Variants in PXMP4 observed in about 807,000 individuals in gnomAD.
PXMP4 encodes the protein peroxisomal membrane protein 4, also known as 24 kDa peroxisomal intrinsic membrane protein.
A neutral mutation model predicts 21.6 loss-of-function variants in PXMP4; 16 were observed. That is an observed-to-expected ratio of 0.74 (90% CI 0.50 to 1.13). PXMP4 has a LOEUF of 1.13. Ranked by LOEUF, PXMP4 falls within the 50% of genes most tolerant of loss-of-function variation. PXMP4 has a pLI of 0.00. For missense variants in PXMP4, 240 were observed against 277.7 expected, an observed-to-expected ratio of 0.86 and a Z score of 0.96; for synonymous variants, 127 against 123.8, an observed-to-expected ratio of 1.03 and a Z score of -0.17.
rs116173764 is a variant in PXMP4 at position 33,716,733 on chromosome 20, G to A, written c.114-1997C>T. Among the ~76,000 whole-genome samples the A allele has an allele frequency of 4.7e-3, 717 of 152,196 alleles. 12 individuals carry two copies. Among genetic ancestry groups the A allele is most frequent in the African/African-American group, 0.017 (689 of 41,520 alleles). ...CTTGATAAATAACTGTTGACTGACC[G>A]ATGCCAGAACACCCCTTACCCATGA... On this transcript the variant is annotated intron_variant, in intron 1 of 3. Coordinates refer to ENST00000409299, the MANE Select transcript of PXMP4 (RefSeq NM_007238.5).
chr20:33,710,639 G>T lies in PXMP4; in HGVS notation c.291C>A (p.Gly97=). 1 of 1,614,036 alleles carries T rather than the reference G, an allele frequency of 6.2e-7. No individual in the cohort carries two copies. The highest frequency in any genetic ancestry group is 1.1e-5 in the South Asian group (1 of 91,078). Residue 97 remains glycine, a synonymous_variant, in exon 3 of 4, where the codon GGC becomes GGA. Coordinates refer to ENST00000409299, the MANE Select transcript of PXMP4 (RefSeq NM_007238.5). ...GLRALQSYIQ[G]KTYPAHAFLA... ...GGAATGCGTGTGCTGGGTAGGTCTTGCCTTGTATGTAGGACTGCAGGGCAC... is the reference window on the plus strand; with the variant it reads ...GGAATGCGTGTGCTGGGTAGGTCTTTCCTTGTATGTAGGACTGCAGGGCAC...
At position 33,715,847 on chromosome 20, in the gene PXMP4, T is replaced by G. The variant is rs566451377; in HGVS notation, c.114-1111A>C. On this transcript the variant is annotated intron_variant, in intron 1 of 3. Transcript: ENST00000409299. ...TTCTCACTGCAGCCAGTCTCTTTTT[T>G]TTTTTTTTTTTTTTGAGACGAAGTT... is the stretch of plus-strand genomic sequence containing the variant. Among the ~76,000 whole-genome samples the G allele has an allele frequency of 2.9e-4, 44 of 151,040 alleles. 1 individual carries two copies. The East Asian group carries it at 7.8e-3, about 27-fold the overall frequency.
chr20:33,720,054 GACATCCC>G (rs2018431485), intron 1 of PXMP4, 34 bp downstream of exon 1: 1 of 1,587,624 alleles, frequency 6.3e-7, no homozygotes, highest in African/African-American at 1.3e-5. Flanking sequence ...CCCCAGGCAG[GACATCCC>G]TCAGCCCCAG....
chr20:33,710,861 C>T (rs1230986015), intron 2 of PXMP4, 108 bp from the exon 3 acceptor site: 2 of 1,096,328 alleles, frequency 1.8e-6, no homozygotes, highest in Non-Finnish European at 2.6e-6. Flanking sequence ...GAGTAATGCT[C>T]ATTCAGTCAC....
Sources: gnomAD v4.1 joint callset for allele counts (sites outside exome capture counted in the v4.1 genomes callset) on GRCh38, gnomAD v4.1.1 for gene constraint, MANE v1.5 for transcripts, NCBI Gene and HGNC (gene_info 2026-07-23, HGNC 2026-07-21) for gene names.